The following CACNA2D1 variants were observed in gnomAD, a reference collection of about 807,000 sequenced individuals.
The protein encoded by CACNA2D1 is calcium voltage-gated channel auxiliary subunit alpha2delta 1.
A neutral mutation model predicts 171.5 loss-of-function variants in CACNA2D1; 53 were observed. The observed-to-expected ratio is 0.31, with a 90% CI of 0.25 to 0.39. The LOEUF (loss-of-function observed/expected upper bound fraction) is 0.39. Among genes scored for constraint, CACNA2D1 ranks in the 10% least tolerant of loss-of-function variants. The pLI, the probability that CACNA2D1 is intolerant of heterozygous loss-of-function variation, is 1.00. For synonymous variants in CACNA2D1, 442 were observed against 443.1 expected, an observed-to-expected ratio of 1.00 and a Z score of 0.03; for missense variants, 903 against 1,299.8, an observed-to-expected ratio of 0.69 and a Z score of 4.69.
chr7:82,050,455 C>T (rs1805065075), intron 10 of CACNA2D1: 4 of 630,984 alleles, frequency 6.3e-6, no homozygotes, highest in Non-Finnish European at 1.1e-5. Flanking sequence ...CCAGGGGTCA[C>T]CTGCATAGGT....
intron 5 of CACNA2D1, among the ~76,000 whole-genome samples, chr7:82,121,331 A>G (rs1207803821): frequency 1.3e-5 from 2 of 152,200 alleles, no homozygotes; most frequent in African/African-American, 2.4e-5. Flanking sequence ...TGCTGAGATT[A>G]CAGGTGTGAG....
At chr7:82,084,517 A>G (rs543992157) in intron 7 of CACNA2D1, among the ~76,000 whole-genome samples, 1 of 152,288 alleles carries the variant, frequency 6.6e-6, no homozygotes, top group South Asian at 2.1e-4. Flanking sequence ...GTATATACCT[A>G]AGGATACCTG....
At chr7:82,201,691 C>G (rs977442412) in intron 3 of CACNA2D1, among the ~76,000 whole-genome samples, 1 of 152,136 alleles carries the variant, frequency 6.6e-6, no homozygotes, top group African/African-American at 2.4e-5. Context: ...TTCGCTAGTC[C>G]CCACCTCTTC....
intron 10 of CACNA2D1, among the ~76,000 whole-genome samples, chr7:82,047,323 C>T (rs1804668342): frequency 6.6e-6 from 1 of 152,126 alleles, no homozygotes; most frequent in South Asian, 2.1e-4. Flanking sequence ...GATCTGGTCC[C>T]CTTTACCAAC....
intron 4 of CACNA2D1, among the ~76,000 whole-genome samples, chr7:82,151,711 C>T (rs985074834): frequency 1.3e-5 from 2 of 152,102 alleles, no homozygotes; most frequent in Non-Finnish European, 2.9e-5. Context: ...TCTACATTTT[C>T]AACTGTGATT....
chr7:82,012,323 T>C (rs1799888518), intron 14 of CACNA2D1, 80 bp from the exon 15 acceptor site: 2 of 775,884 alleles, frequency 2.6e-6, no homozygotes, highest in Non-Finnish European at 4.5e-6. Flanking sequence ...AGAAAAAATA[T>C]TCTAGAGTTA....
chr7:81,964,090 A>C lies in CACNA2D1; in HGVS notation c.2746T>G (p.Leu916Val), dbSNP rs751863558. The C allele has an allele frequency of 6.2e-7, 1 of 1,612,124 alleles. No individual in the cohort carries two copies. Among genetic ancestry groups the C allele is most frequent in the Non-Finnish European group, 8.5e-7 (1 of 1,178,928 alleles). The change falls in exon 34 of 39, where the codon TTA becomes GTA. Residue 916 changes from leucine (L) to valine (V), a missense_variant. Around this residue, in one of 5 missense-constraint regions of CACNA2D1, gnomAD observed 623 missense variants for 925.5 expected, o/e 0.67. Coordinates refer to ENST00000356860, the MANE Select transcript of CACNA2D1 (RefSeq NM_000722.4). ...GCAGTGGCCCACCAGCCAATTTGTA[A>C]TATGTCTGCTACTGATGGCTATAAA... The part of the protein sequence containing the change: ...SAYVPSVADI[L>V]QIGWWATAAA...
intron 3 of CACNA2D1, among the ~76,000 whole-genome samples, chr7:82,203,561 C>T (rs1172411277): frequency 6.6e-6 from 1 of 152,156 alleles, no homozygotes; most frequent in African/African-American, 2.4e-5. Flanking sequence ...CGGCTGAGAC[C>T]ACCTTCCAGG....
intron 18 of CACNA2D1, among the ~76,000 whole-genome samples, chr7:82,001,416 A>T (rs763336496): frequency 5.3e-5 from 8 of 152,144 alleles, no homozygotes; most frequent in Non-Finnish European, 1.0e-4. Context: ...GATTTCTCTG[A>T]TTATTAACTT....
intron 6 of CACNA2D1, among the ~76,000 whole-genome samples, chr7:82,103,988 A>G (rs1205267007): frequency 6.6e-6 from 1 of 152,066 alleles, no homozygotes; most frequent in Non-Finnish European, 1.5e-5. Context: ...GAATAATTTC[A>G]TATTCAAATT....
intron 4 of CACNA2D1, among the ~76,000 whole-genome samples, chr7:82,143,141 T>G (rs1792590134): frequency 6.6e-6 from 1 of 152,124 alleles, no homozygotes; most frequent in South Asian, 2.1e-4. Flanking sequence ...TATATTTGTT[T>G]GAAGTTTGGA....
intron 24 of CACNA2D1, among the ~76,000 whole-genome samples, chr7:81,975,981 G>C (rs550347275): frequency 5.3e-5 from 6 of 113,258 alleles, no homozygotes; most frequent in African/African-American, 2.1e-4. Flanking sequence ...GTTCTTTCAA[G>C]TAATGTTACA....
intron 1 of CACNA2D1, among the ~76,000 whole-genome samples, chr7:82,380,707 T>C (rs13228135): frequency 6.6e-6 from 1 of 152,128 alleles, no homozygotes; most frequent in East Asian, 1.9e-4. Context: ...TGTGTGTGTT[T>C]GTTTTGAGAC....
intron 6 of CACNA2D1, among the ~76,000 whole-genome samples, chr7:82,095,496 T>C (rs941024822): frequency 2.0e-5 from 3 of 152,220 alleles, no homozygotes; most frequent in African/African-American, 7.2e-5. Flanking sequence ...TTGTACCACC[T>C]TGAGTAAACT....
chr7:82,127,117 AT>A (rs1790416013), intron 5 of CACNA2D1, among the ~76,000 whole-genome samples: 2 of 152,252 alleles, frequency 1.3e-5, no homozygotes, highest in South Asian at 2.1e-4. Flanking sequence ...ATTTCAATTA[AT>A]TTTGGACCTA....
chr7:82,066,542 AG>A lies in CACNA2D1; in HGVS notation c.659-19del, dbSNP rs756130642. 5.9e-3 allele frequency: 9,130 copies of A among 1,551,406 alleles called. 13 individuals are homozygous for A. Among genetic ancestry groups the A allele is most frequent in the Non-Finnish European group, 7.2e-3 (8,284 of 1,144,172 alleles). On this transcript the variant is annotated intron_variant, in intron 7 of 38. Transcript: ENST00000356860. ...TGGTGAAGCTAAAAAAAAAAAAAAAAGAGAGATATTAAATCAAAATATTAGA... is the reference window on the plus strand; with the variant it reads ...TGGTGAAGCTAAAAAAAAAAAAAAAAAGAGATATTAAATCAAAATATTAGA...
chr7:82,056,330 T>C (rs1451189313), intron 10 of CACNA2D1, among the ~76,000 whole-genome samples: 6 of 152,132 alleles, frequency 3.9e-5, no homozygotes, highest in African/African-American at 1.2e-4. Flanking sequence ...TCCTCATACA[T>C]AGTTTTGGAG....
chr7:82,321,089 T>G (rs1434182549), intron 3 of CACNA2D1, among the ~76,000 whole-genome samples: 1 of 152,132 alleles, frequency 6.6e-6, no homozygotes, highest in Admixed American at 6.5e-5. Context: ...TAAAACTTCC[T>G]CTACCTGACA....
intron 7 of CACNA2D1, among the ~76,000 whole-genome samples, chr7:82,078,265 CTTTTT>C (rs1319406406): frequency 1.1e-4 from 16 of 151,970 alleles, no homozygotes; most frequent in Admixed American, 1.0e-3. Flanking sequence ...AGTTTTCTCC[CTTTTT>C]TAATAAATAC....
Sources: gnomAD v4.1 joint callset for allele counts (sites outside exome capture counted in the v4.1 genomes callset) on GRCh38, gnomAD v4.1.1 for gene constraint, gnomAD v4.1.1 regional missense constraint, MANE v1.5 for transcripts, NCBI Gene and HGNC (gene_info 2026-07-23, HGNC 2026-07-21) for gene names.